Variants in JAKMIP1 observed in about 807,000 individuals in gnomAD.
The protein encoded by JAKMIP1 is janus kinase and microtubule interacting protein 1.
Under a neutral mutation model 113.0 loss-of-function variants are expected in JAKMIP1, and 33 were observed. That is an observed-to-expected ratio of 0.29 (90% confidence interval 0.22 to 0.39). The LOEUF (loss-of-function observed/expected upper bound fraction) is 0.39, where lower values mean the gene tolerates loss of function less well. Among genes scored for constraint, JAKMIP1 ranks in the 10% least tolerant of loss-of-function variants. The pLI is 1.00. For missense variants in JAKMIP1, 813 were observed against 1,080.5 expected, an observed-to-expected ratio of 0.75 and a Z score of 3.47; for synonymous variants, 480 against 459.9, an observed-to-expected ratio of 1.04 and a Z score of -0.56.
At chr4:6,026,481 T>A (rs1295670293) in intron 20 of JAKMIP1, among the ~76,000 whole-genome samples, 1 of 151,970 alleles carries the variant, frequency 6.6e-6, no homozygotes, top group Non-Finnish European at 1.5e-5. Flanking sequence ...TCTTCCACAC[T>A]CAGGGTGGGT....
In JAKMIP1 at chr4:6,061,184, G is replaced by C. The variant is rs1041565142; in HGVS notation, c.1561-677C>G. On this transcript the variant is annotated intron_variant, in intron 10 of 20. Transcript: ENST00000409021. This position sits in a 1 kb window ranked among gnomAD's most constrained non-coding sequence, Gnocchi z 5.3. ...GGTCAGGAACCTGGATTTCTCTATAGAATCTCTTGATTTTTAAATGTTGGC... is the reference window on the plus strand; with the variant it reads ...GGTCAGGAACCTGGATTTCTCTATACAATCTCTTGATTTTTAAATGTTGGC... Among the ~76,000 whole-genome samples the C allele has an allele frequency of 6.6e-6, 1 of 152,216 alleles. No homozygotes were observed. The highest frequency in any genetic ancestry group is 2.4e-5 in the African/African-American group (1 of 41,452).
intron 20 of JAKMIP1, among the ~76,000 whole-genome samples, chr4:6,029,039 T>C (rs539316218): frequency 6.6e-6 from 1 of 152,306 alleles, no homozygotes; most frequent in East Asian, 1.9e-4. Context: ...AACTGCTTTG[T>C]GTGTGTCCTG....
At position 6,167,993 on chromosome 4, in the gene JAKMIP1, G is replaced by T. The variant is rs1723869417; in HGVS notation, c.-148+32260C>A. On this transcript the variant is annotated intron_variant, in intron 1 of 20. Coordinates refer to ENST00000409021, the MANE Select transcript of JAKMIP1 (RefSeq NM_001099433.2). This position sits in a 1 kb window ranked among gnomAD's most constrained non-coding sequence, Gnocchi z 5.3. The stretch of plus-strand genomic sequence containing the variant: ...CCGCCCATCCTCCACATCACCCGGT[G>T]TTCAACAGGGAAGACACACAAATGG... Among the ~76,000 whole-genome samples, 1 of 152,190 alleles carries T rather than the reference G, an allele frequency of 6.6e-6. No individual in the cohort carries two copies. Among genetic ancestry groups the T allele is most frequent in the South Asian group, 2.1e-4 (1 of 4,830 alleles).
At position 6,192,950 on chromosome 4, in the gene JAKMIP1, G is replaced by C. The variant is rs1410722567; in HGVS notation, c.-148+7303C>G. Among the ~76,000 whole-genome samples the C allele has an allele frequency of 6.6e-6, 1 of 152,108 alleles. No homozygotes were observed. The highest frequency in any genetic ancestry group is 2.4e-5 in the African/African-American group (1 of 41,432). The stretch of plus-strand genomic sequence containing the variant: ...TGAAGGATGCAAAGTATTGTTCCTG[G>C]GTGTGTCTGTGAGGGTGTTCCCAAA... On this transcript the variant is annotated intron_variant, in intron 1 of 20. Transcript: ENST00000409021. This position sits in a 1 kb window ranked among gnomAD's most constrained non-coding sequence, Gnocchi z 5.0.
intron 7 of JAKMIP1, among the ~76,000 whole-genome samples, chr4:6,079,609 T>A (rs1720209495): frequency 6.6e-6 from 1 of 152,180 alleles, no homozygotes; most frequent in Non-Finnish European, 1.5e-5. Context: ...CGAAGTTCCT[T>A]TCACAGAGAG....
chr4:6,198,263 C>G (rs546755925), intron 1 of JAKMIP1, among the ~76,000 whole-genome samples: 1 of 152,206 alleles, frequency 6.6e-6, no homozygotes, highest in South Asian at 2.1e-4. Flanking sequence ...GAGAGCTGGG[C>G]TTAATCATGA....
chr4:6,047,273 T>G (rs993130170), intron 16 of JAKMIP1, among the ~76,000 whole-genome samples: 4 of 152,258 alleles, frequency 2.6e-5, no homozygotes, highest in African/African-American at 9.6e-5. Flanking sequence ...TGCTCAGCAC[T>G]TGACACTAAG....
intron 3 of JAKMIP1, among the ~76,000 whole-genome samples, chr4:6,098,546 A>AAAAGAAAGAAAGAAAGAAAG (rs759936324): frequency 0.02 from 910 of 46,484 alleles, 16 homozygotes; most frequent in Middle Eastern, 0.044. Context: ...GAGAGAAAGA[A>AAAAGAAAGAAAGAAAGAAAG]AAAGAAAGAA....
chr4:6,041,190 C>T (rs1214837328), intron 17 of JAKMIP1, among the ~76,000 whole-genome samples: 3 of 152,192 alleles, frequency 2.0e-5, no homozygotes, highest in African/African-American at 7.2e-5. Flanking sequence ...TGTCTAAGAC[C>T]CTGCAAGCAT....
chr4:6,052,467 C>T (rs989240316), intron 13 of JAKMIP1, among the ~76,000 whole-genome samples: 17 of 151,734 alleles, frequency 1.1e-4, no homozygotes, highest in South Asian at 8.3e-4. Flanking sequence ...GCCAACATGG[C>T]GAAACCTGTG....
At chr4:6,057,927 G>A (rs1030391198) in intron 11 of JAKMIP1, among the ~76,000 whole-genome samples, 1 of 152,248 alleles carries the variant, frequency 6.6e-6, no homozygotes, top group Admixed American at 6.5e-5. Context: ...GGCAGTCTGT[G>A]CCCAGCCTGA....
At chr4:6,170,212 G>T (rs111064825) in intron 1 of JAKMIP1, among the ~76,000 whole-genome samples, 1 of 132,174 alleles carries the variant, frequency 7.6e-6, no homozygotes, top group Non-Finnish European at 1.6e-5. Flanking sequence ...TCATTGTCAA[G>T]ACCATCATAA....
At chr4:6,101,732 CAAAAAA>C (rs56084278) in intron 3 of JAKMIP1, among the ~76,000 whole-genome samples, 1 of 96,592 alleles carries the variant, frequency 1.0e-5, no homozygotes, top group Non-Finnish European at 2.0e-5. Flanking sequence ...ACTAAAAATA[CAAAAAA>C]AAAAAAAAAA....
In JAKMIP1 at chr4:6,183,897, C is replaced by T. The variant is rs1364007715; in HGVS notation, c.-148+16356G>A. On this transcript the variant is annotated intron_variant, in intron 1 of 20. Coordinates refer to ENST00000409021, the MANE Select transcript of JAKMIP1 (RefSeq NM_001099433.2). This position sits in a 1 kb window ranked among gnomAD's most constrained non-coding sequence, Gnocchi z 5.3. ...ATCACAAATGCGGTATGCAAATCGT[C>T]ACAACAGAATATTTTCACAACCACA... is the stretch of plus-strand genomic sequence containing the variant. 6.6e-6 allele frequency among the ~76,000 whole-genome samples: 1 copy of T among 152,192 alleles called. No homozygotes were observed. Among genetic ancestry groups the T allele is most frequent in the African/African-American group, 2.4e-5 (1 of 41,434 alleles).
intron 1 of JAKMIP1, among the ~76,000 whole-genome samples, chr4:6,175,890 C>T (rs747927408): frequency 6.6e-6 from 1 of 152,252 alleles, no homozygotes; most frequent in Non-Finnish European, 1.5e-5. Flanking sequence ...CTTGTCCTCT[C>T]TGAACCAGTT....
rs4689357 is a variant in JAKMIP1, at chr4:6,192,027, G to A, written c.-148+8226C>T. The stretch of plus-strand genomic sequence containing the variant: ...GGCTCATTACAACCTCCGCCTCCCG[G>A]GTTTGAGCTATTCTCCTGCCTCAGC... On this transcript the variant is annotated intron_variant, in intron 1 of 20. Coordinates refer to ENST00000409021, the MANE Select transcript of JAKMIP1 (RefSeq NM_001099433.2). This position sits in a 1 kb window ranked among gnomAD's most constrained non-coding sequence, Gnocchi z 5.0. Among the ~76,000 whole-genome samples, 35,869 of 151,530 alleles carry A rather than the reference G, an allele frequency of 0.24. 4,293 individuals are homozygous for A. Among genetic ancestry groups the A allele is most frequent in the South Asian group, 0.26 (1,235 of 4,796 alleles).
intron 1 of JAKMIP1, among the ~76,000 whole-genome samples, chr4:6,125,816 CACCATACACACCATGCAG>C (rs1717405448): frequency 8.7e-6 from 1 of 114,906 alleles, no homozygotes; most frequent in Non-Finnish European, 1.7e-5. Flanking sequence ...CACACACACA[CACCATACACACCATGCAG>C]AAACACACAC....
intron 16 of JAKMIP1, among the ~76,000 whole-genome samples, chr4:6,046,728 C>A (rs1411841180): frequency 6.6e-6 from 1 of 152,316 alleles, no homozygotes; most frequent in Non-Finnish European, 1.5e-5. Context: ...CTCACAGATG[C>A]CCAGAGGATG....
At chr4:6,117,715 C>T (rs1455113291) in intron 1 of JAKMIP1, among the ~76,000 whole-genome samples, 6 of 151,906 alleles carry the variant, frequency 3.9e-5, no homozygotes, top group African/African-American at 1.5e-4. Flanking sequence ...CCATAAGAGA[C>T]AGGTACGCCC....
Sources: gnomAD v4.1 joint callset for allele counts (sites outside exome capture counted in the v4.1 genomes callset) on GRCh38, gnomAD v4.1.1 for gene constraint, Gnocchi (gnomAD v3.1) non-coding constraint, MANE v1.5 for transcripts, NCBI Gene and HGNC (gene_info 2026-07-23, HGNC 2026-07-21) for gene names.